The following FRMD5 variants were observed in gnomAD, a reference collection of about 807,000 sequenced individuals.
The protein encoded by FRMD5 is FERM domain-containing protein 5.
In FRMD5, 20 loss-of-function variants were observed where a neutral mutation model predicts 69.0. That is an observed-to-expected ratio of 0.29 (90% CI 0.20 to 0.42). FRMD5 has a LOEUF of 0.42. Among genes scored for constraint, FRMD5 ranks in the 10% least tolerant of loss-of-function variants. FRMD5 has a pLI of 1.00. For synonymous variants in FRMD5, 271 were observed against 260.1 expected, an observed-to-expected ratio of 1.04 and a Z score of -0.40; for missense variants, 595 against 708.6, an observed-to-expected ratio of 0.84 and a Z score of 1.82.
At chr15:43,971,536 T>A (rs1297654826) in intron 1 of FRMD5, among the ~76,000 whole-genome samples, 1 of 147,648 alleles carries the variant, frequency 6.8e-6, no homozygotes, top group East Asian at 2.1e-4. Context: ...ATACAAAAGT[T>A]AGCCAGGCAT....
intron 8 of FRMD5, 26 bp downstream of exon 8, chr15:43,891,955 C>G: frequency 1.3e-6 from 2 of 1,591,340 alleles, no homozygotes; most frequent in Non-Finnish European, 1.7e-6. Context: ...ATATAAAGAG[C>G]CTATTTTGGA....
rs1284741530 is a variant in FRMD5, at chr15:43,924,219, G to T, written c.193C>A (p.Pro65Thr). 6.2e-7 allele frequency: 1 copy of T among 1,613,066 alleles called. No homozygotes were observed. Among genetic ancestry groups the T allele is most frequent in the African/African-American group, 1.3e-5 (1 of 74,874 alleles). Residue 65 changes from proline (P) to threonine (T), a missense_variant, in exon 2 of 14, where the codon CCA becomes ACA. Coordinates refer to ENST00000417257, the MANE Select transcript of FRMD5 (RefSeq NM_032892.5). ...KDYFGIRFVD[P>T]DKQRHWLEFT... ...TATTGACTTACCCGCTGCTTATCTG[G>T]GTCTACAAAGCGGATACCAAAATAG...
At chr15:43,990,172 T>A in intron 1 of FRMD5, 1 of 548,732 alleles carries the variant, frequency 1.8e-6, no homozygotes, top group Non-Finnish European at 3.5e-6. Context: ...AGCATGGTGA[T>A]ATCATCATCC....
intron 1 of FRMD5, among the ~76,000 whole-genome samples, chr15:43,925,080 C>T (rs1426456026): frequency 1.3e-5 from 2 of 150,008 alleles, no homozygotes; most frequent in East Asian, 2.0e-4. Context: ...TCTTGGCTCA[C>T]TGCAACCTCC....
intron 1 of FRMD5, among the ~76,000 whole-genome samples, chr15:43,969,715 C>G (rs946481045): frequency 6.6e-6 from 1 of 152,180 alleles, no homozygotes; most frequent in Non-Finnish European, 1.5e-5. Context: ...TGTACATTTC[C>G]TATAACCAAA....
intron 1 of FRMD5, among the ~76,000 whole-genome samples, chr15:44,176,713 C>T (rs1311112484): frequency 6.6e-6 from 1 of 151,922 alleles, no homozygotes; most frequent in Non-Finnish European, 1.5e-5. Context: ...TTTTAAATGG[C>T]CAAAGACTTG....
chr15:44,033,271 G>C (rs541769028), intron 1 of FRMD5, among the ~76,000 whole-genome samples: 1 of 152,088 alleles, frequency 6.6e-6, no homozygotes, highest in African/African-American at 2.4e-5. Flanking sequence ...GAAAGGAGCA[G>C]AAAAGATAAC....
At chr15:43,880,696 C>T (rs1273055306) in intron 13 of FRMD5, among the ~76,000 whole-genome samples, 1 of 152,244 alleles carries the variant, frequency 6.6e-6, no homozygotes, top group Non-Finnish European at 1.5e-5. Context: ...GGGCCACTTG[C>T]AGCCTTGGGC....
intron 1 of FRMD5, among the ~76,000 whole-genome samples, chr15:44,081,997 G>A (rs1293460132): frequency 6.6e-6 from 1 of 151,952 alleles, no homozygotes; most frequent in Non-Finnish European, 1.5e-5. Flanking sequence ...AAATTATTCT[G>A]AGACCTGCTT....
rs1399719412 is a variant in FRMD5 at position 44,056,870 on chromosome 15, C to T, written c.103-132561G>A. On this transcript the variant is annotated intron_variant, in intron 1 of 13. Transcript: ENST00000417257. The stretch of plus-strand genomic sequence containing the variant: ...CATCATCCCTGAGGACAACCAGGGA[C>T]ATTGCAGGAGGGAGGAGGAAATCTT... 2.0e-5 allele frequency among the ~76,000 whole-genome samples: 3 copies of T among 152,194 alleles called. No individual in the cohort carries two copies. The East Asian group carries it at 5.8e-4, about 29-fold the overall frequency.
At chr15:44,001,811 G>A (rs1566891324) in intron 1 of FRMD5, among the ~76,000 whole-genome samples, 1 of 151,982 alleles carries the variant, frequency 6.6e-6, no homozygotes, top group East Asian at 1.9e-4. Context: ...GTTTCAAAAT[G>A]TTGTCTTGAA....
intron 4 of FRMD5, among the ~76,000 whole-genome samples, chr15:43,910,285 C>G (rs1328858696): frequency 2.6e-5 from 4 of 152,006 alleles, no homozygotes; most frequent in Non-Finnish European, 5.9e-5. Flanking sequence ...GGAGCCAGCC[C>G]CAGTCGATCT....
chr15:44,148,562 T>C (rs534888871), intron 1 of FRMD5, among the ~76,000 whole-genome samples: 4 of 152,246 alleles, frequency 2.6e-5, no homozygotes, highest in South Asian at 4.1e-4. Context: ...TGAGCCACCG[T>C]GCCCAACCTA....
At chr15:44,067,595 G>A (rs1208750885) in intron 1 of FRMD5, among the ~76,000 whole-genome samples, 1 of 152,146 alleles carries the variant, frequency 6.6e-6, no homozygotes, top group African/African-American at 2.4e-5. Context: ...TCCTCAGAGG[G>A]TGGAGGGCAG....
chr15:44,128,278 A>G (rs2077050982), intron 1 of FRMD5, among the ~76,000 whole-genome samples: 1 of 152,106 alleles, frequency 6.6e-6, no homozygotes, highest in Non-Finnish European at 1.5e-5. Flanking sequence ...TCAGGAGTTC[A>G]AGACCAGCCT....
At chr15:43,893,491 G>C (rs1202187008) in intron 7 of FRMD5, among the ~76,000 whole-genome samples, 2 of 152,208 alleles carry the variant, frequency 1.3e-5, no homozygotes, top group African/African-American at 4.8e-5. Context: ...TGCCCTCCCA[G>C]AGGGGCTTCC....
rs888249125 is a variant in FRMD5, at chr15:44,195,141, C to A, written c.-87G>T. On this transcript the variant is annotated 5_prime_UTR_variant, in exon 1 of 14. Transcript: ENST00000417257. ...TCAGCCCGGCAGCTCCGCACCGACCCCAGGCACCTGCACCATCACCCCGGC... is the reference window on the plus strand; with the variant it reads ...TCAGCCCGGCAGCTCCGCACCGACCACAGGCACCTGCACCATCACCCCGGC... 7.5e-5 allele frequency: 79 copies of A among 1,057,626 alleles called. No homozygotes were observed. The African/African-American group carries it at 1.1e-3, about 15-fold the overall frequency. The allele number at this position is 1,057,626 out of a possible 1,614,324, so 65.5% of individuals were successfully genotyped here.
chr15:44,016,341 T>C (rs1890955089), intron 1 of FRMD5, among the ~76,000 whole-genome samples: 1 of 152,240 alleles, frequency 6.6e-6, no homozygotes, highest in Non-Finnish European at 1.5e-5. Context: ...AATATTTATA[T>C]ATACGAATAA....
rs76613522 is a variant in FRMD5, at chr15:43,985,656, C to T, written c.103-61347G>A. ...GATGAGCTGGCTGGGTGAACCTGTG[C>T]TGGTATTCAGGAATTGACATTCTGT... On this transcript the variant is annotated intron_variant, in intron 1 of 13. Coordinates refer to ENST00000417257, the MANE Select transcript of FRMD5 (RefSeq NM_032892.5). Among the ~76,000 whole-genome samples, 855 of 152,214 alleles carry T rather than the reference C, an allele frequency of 5.6e-3. 4 individuals are homozygous for T. The highest frequency in any genetic ancestry group is 0.02 in the African/African-American group (810 of 41,526).
Sources: allele counts gnomAD v4.1 joint callset (sites outside exome capture counted in the v4.1 genomes callset), GRCh38; gene constraint gnomAD v4.1.1; transcripts MANE v1.5; gene names NCBI Gene and HGNC (gene_info 2026-07-23, HGNC 2026-07-21).